The following TCF7L1 variants were observed in gnomAD, a reference collection of about 807,000 sequenced individuals.
TCF7L1 encodes the protein transcription factor 7 like 1.
TCF7L1 carries 18 observed loss-of-function variants against 63.7 expected under a neutral mutation model. The ratio of observed to expected loss-of-function variants is 0.28; its 90% confidence interval spans 0.20 to 0.42. The LOEUF (loss-of-function observed/expected upper bound fraction) is 0.42. Ranked by LOEUF, TCF7L1 falls within the 10% of genes least tolerant of loss-of-function variation. The pLI is 1.00. For missense variants in TCF7L1, 654 were observed against 779.3 expected (o/e 0.84, Z 1.91); for synonymous variants, 355 against 340.9 (o/e 1.04, Z -0.46).
intron 3 of TCF7L1, among the ~76,000 whole-genome samples, chr2:85,216,041 C>T (rs1263454415): frequency 6.6e-6 from 1 of 152,064 alleles, no homozygotes; most frequent in Non-Finnish European, 1.5e-5. Flanking sequence ...CCTTTCTCCT[C>T]TTGTGGTGAT....
At chr2:85,304,450 C>T in intron 7 of TCF7L1, 112 bp downstream of exon 7, 1 of 1,078,926 alleles carries the variant, frequency 9.3e-7, no homozygotes, top group Non-Finnish European at 1.3e-6. Context: ...GCTCACCCTC[C>T]CCCCACCTCT....
intron 3 of TCF7L1, among the ~76,000 whole-genome samples, chr2:85,277,874 G>A (rs1418006593): frequency 3.9e-5 from 6 of 152,074 alleles, no homozygotes; most frequent in Non-Finnish European, 4.4e-5. Context: ...GCATTCCCCC[G>A]AGCCCTGTAG....
intron 3 of TCF7L1, among the ~76,000 whole-genome samples, chr2:85,180,728 C>T (rs898191438): frequency 9.2e-5 from 14 of 152,144 alleles, no homozygotes; most frequent in South Asian, 2.1e-4. Context: ...ACCAGGAGCC[C>T]GTTCCAAGTA....
In TCF7L1 at chr2:85,286,656, C is replaced by T. The variant is rs569664843; in HGVS notation, c.525+3078C>T. 2.0e-4 allele frequency among the ~76,000 whole-genome samples: 30 copies of T among 152,154 alleles called. No individual in the cohort carries two copies. The South Asian group carries it at 4.6e-3, about 23-fold the overall frequency. ...GATTACAGGCATGTGCCACTATGCC[C>T]GGCTACCTTTGTATTTTTAATAGAG... On this transcript the variant is annotated intron_variant, in intron 4 of 11. Transcript: ENST00000282111.
At chr2:85,249,839 T>C (rs999514298) in intron 3 of TCF7L1, among the ~76,000 whole-genome samples, 9 of 152,316 alleles carry the variant, frequency 5.9e-5, no homozygotes, top group African/African-American at 2.2e-4. Flanking sequence ...GTTGCAGCCA[T>C]GAGCAAGGTT....
chr2:85,274,016 T>A (rs1681214759), intron 3 of TCF7L1, among the ~76,000 whole-genome samples: 1 of 152,028 alleles, frequency 6.6e-6, no homozygotes, highest in Non-Finnish European at 1.5e-5. Context: ...CCTGAGGGCC[T>A]GAGGGGAGGG....
chr2:85,194,421 T>G (rs1253299582), intron 3 of TCF7L1, among the ~76,000 whole-genome samples: 17 of 152,088 alleles, frequency 1.1e-4, no homozygotes, highest in Non-Finnish European at 5.9e-5. Context: ...CCCAGCTACT[T>G]GGGAGGCTGA....
chr2:85,180,715 T>G (rs1186490136), intron 3 of TCF7L1, among the ~76,000 whole-genome samples: 1 of 152,186 alleles, frequency 6.6e-6, no homozygotes, highest in Non-Finnish European at 1.5e-5. Context: ...GTGTTTCCTG[T>G]GCACCAGGAG....
At chr2:85,207,379 T>TC (rs1346773815) in intron 3 of TCF7L1, among the ~76,000 whole-genome samples, 1 of 152,262 alleles carries the variant, frequency 6.6e-6, no homozygotes, top group East Asian at 1.9e-4. Flanking sequence ...GCTCTGCACA[T>TC]CCCTGATTCC....
At chr2:85,302,653 G>A in intron 5 of TCF7L1, 37 bp downstream of exon 5, 1 of 1,599,540 alleles carries the variant, frequency 6.3e-7, no homozygotes, top group Non-Finnish European at 8.5e-7. Flanking sequence ...CTGCTGCAGG[G>A]CAGGCGGGCT....
chr2:85,210,887 G>A (rs1443281125), intron 3 of TCF7L1, among the ~76,000 whole-genome samples: 2 of 152,144 alleles, frequency 1.3e-5, no homozygotes, highest in Non-Finnish European at 2.9e-5. Context: ...GTGGAGAATC[G>A]CAGCAACCTG....
chr2:85,202,758 C>T (rs149436826), intron 3 of TCF7L1, among the ~76,000 whole-genome samples: 5 of 152,262 alleles, frequency 3.3e-5, no homozygotes, highest in African/African-American at 7.2e-5. Context: ...TGGTGAGGCA[C>T]GTAAGGTACT....
At chr2:85,163,340 C>T (rs368683444) in intron 3 of TCF7L1, among the ~76,000 whole-genome samples, 2 of 152,146 alleles carry the variant, frequency 1.3e-5, no homozygotes, top group African/African-American at 4.8e-5. Flanking sequence ...AGGTATTGGC[C>T]CCCCTCCCCC....
At chr2:85,295,612 T>C (rs1573030783) in intron 4 of TCF7L1, among the ~76,000 whole-genome samples, 1 of 150,486 alleles carries the variant, frequency 6.6e-6, no homozygotes, top group Non-Finnish European at 1.5e-5. Context: ...GTGCTTCTCT[T>C]TCTCTCTCTC....
intron 3 of TCF7L1, among the ~76,000 whole-genome samples, chr2:85,226,820 T>A (rs1393430474): frequency 7.3e-6 from 1 of 137,910 alleles, no homozygotes; most frequent in Non-Finnish European, 1.6e-5. Flanking sequence ...CCCCGCCTTT[T>A]TTTTTTTTTT....
chr2:85,302,822 C>T (rs1363260456), intron 5 of TCF7L1, among the ~76,000 whole-genome samples: 4 of 151,990 alleles, frequency 2.6e-5, no homozygotes, highest in Admixed American at 1.3e-4. Flanking sequence ...CATAGGGTCA[C>T]GATAAGGCCC....
At chr2:85,157,269 C>T (rs917450253) in intron 3 of TCF7L1, among the ~76,000 whole-genome samples, 1 of 152,164 alleles carries the variant, frequency 6.6e-6, no homozygotes, top group Non-Finnish European at 1.5e-5. Flanking sequence ...CTGAACAGTG[C>T]TTTTTGCAGT....
chr2:85,258,203 T>C (rs62165597), intron 3 of TCF7L1, among the ~76,000 whole-genome samples: 13,495 of 152,162 alleles, frequency 0.089, 650 homozygotes, highest in South Asian at 0.18. Context: ...TCCTTGCCTG[T>C]GCACACTGTA....
intron 3 of TCF7L1, among the ~76,000 whole-genome samples, chr2:85,271,243 G>C (rs1681146993): frequency 6.6e-6 from 1 of 152,020 alleles, no homozygotes; most frequent in Admixed American, 6.6e-5. Flanking sequence ...CTCCCAAGTA[G>C]CTAGGATTAC....
Sources: gnomAD v4.1 joint callset for allele counts (sites outside exome capture counted in the v4.1 genomes callset) on GRCh38, gnomAD v4.1.1 for gene constraint, MANE v1.5 for transcripts, NCBI Gene and HGNC (gene_info 2026-07-23, HGNC 2026-07-21) for gene names.